Variants in VSIG10 observed in about 807,000 individuals in gnomAD.
VSIG10 encodes the protein V-set and immunoglobulin domain-containing protein 10.
A neutral mutation model predicts 58.7 loss-of-function variants in VSIG10; 48 were observed. The observed-to-expected ratio is 0.82, with a 90% CI of 0.65 to 1.04. VSIG10 has a LOEUF of 1.04. Among genes scored for constraint, VSIG10 ranks in the 50% least tolerant of loss-of-function variants. The probability of loss-of-function intolerance (pLI) is 0.00; values close to 1 mark genes in which losing one functional copy is unlikely to be tolerated. For synonymous variants in VSIG10, 260 were observed against 267.1 expected (o/e 0.97, Z 0.26); for missense variants, 628 against 670.0 (o/e 0.94, Z 0.69).
intron 2 of VSIG10, among the ~76,000 whole-genome samples, chr12:118,092,148 T>C (rs533869201): frequency 1.2e-4 from 19 of 152,118 alleles, no homozygotes; most frequent in Non-Finnish European, 2.8e-4. Flanking sequence ...AACCTCCGTC[T>C]CCCAGCTCAA....
chr12:118,087,837 C>CAAAAAAAAA lies in VSIG10; in HGVS notation c.362-5417_362-5409dup, dbSNP rs10654315. Among the ~76,000 whole-genome samples the CAAAAAAAAA allele has an allele frequency of 2.6e-3, 160 of 62,372 alleles. 1 individual carries two copies. The highest frequency in any genetic ancestry group is 5.5e-3 in the South Asian group (8 of 1,450). The allele number at this position is 62,372 out of a possible 152,430, so 40.9% of individuals were successfully genotyped here. A position where few individuals can be genotyped will look rare whatever the true frequency, so the allele number is the denominator to read the frequency against. ...TGGGTGACAGAGTGAGATCCTGTCTCAAAAAAAAAAAAAAAAAAAGAGAGA... is the reference window on the plus strand; with the variant it reads ...TGGGTGACAGAGTGAGATCCTGTCTCAAAAAAAAAAAAAAAAAAAAAAAAAAAAGAGAGA... On this transcript the variant is annotated intron_variant, in intron 2 of 8. Transcript: ENST00000359236.
chr12:118,098,542 G>A (rs932622878), intron 1 of VSIG10, among the ~76,000 whole-genome samples: 8 of 152,184 alleles, frequency 5.3e-5, no homozygotes, highest in Admixed American at 1.3e-4. Context: ...AAACCTCCAA[G>A]AGTTCACAGT....
intron 1 of VSIG10, among the ~76,000 whole-genome samples, chr12:118,096,270 G>A (rs551099104): frequency 6.6e-6 from 1 of 151,466 alleles, no homozygotes; most frequent in East Asian, 2.0e-4. Context: ...GTGACACCCC[G>A]TCTGTAATAA....
rs780100508 is a variant in VSIG10 at position 118,095,676 on chromosome 12, A to C, written c.218T>G (p.Leu73Arg). The change falls in exon 2 of 9, where the codon CTC (leucine) becomes CGC (arginine). Residue 73 changes from leucine (L) to arginine (R), a missense_variant. By Grantham distance (102) the Leu-to-Arg change is moderately radical (BLOSUM62 -2). Coordinates refer to ENST00000359236, the MANE Select transcript of VSIG10 (RefSeq NM_019086.6). ...PVFLLSSNSS[L>R]RPAEPRFSLV... ...AGAGAAGCGAGGCTCAGCTGGCCGG[A>C]GGCTAGAGTTGGACGAGAGAAGGAA... 2 of 1,613,774 alleles carry C rather than the reference A, an allele frequency of 1.2e-6. No individual in the cohort carries two copies. The highest frequency in any genetic ancestry group is 2.7e-5 in the African/African-American group (2 of 74,904).
At chr12:118,077,024 T>A (rs1297405752) in intron 4 of VSIG10, among the ~76,000 whole-genome samples, 2 of 152,194 alleles carry the variant, frequency 1.3e-5, no homozygotes, top group Admixed American at 6.5e-5. Flanking sequence ...CACTATGACC[T>A]TATCTTAACT....
intron 2 of VSIG10, among the ~76,000 whole-genome samples, chr12:118,092,958 A>T (rs913068528): frequency 5.9e-5 from 9 of 151,660 alleles, no homozygotes; most frequent in African/African-American, 2.2e-4. Context: ...TCATGTCACA[A>T]ATATCCTTTT....
intron 5 of VSIG10, among the ~76,000 whole-genome samples, 152 bp downstream of exon 5, chr12:118,073,547 C>T (rs1335541265): frequency 6.6e-6 from 1 of 152,132 alleles, no homozygotes; most frequent in African/African-American, 2.4e-5. Flanking sequence ...TAATTTCTTC[C>T]AGCCACCTTG....
chr12:118,087,857 G>GAGAA (rs1242553640), intron 2 of VSIG10, among the ~76,000 whole-genome samples: 1 of 52,838 alleles, frequency 1.9e-5, no homozygotes, highest in Non-Finnish European at 4.8e-5. Flanking sequence ...AAAAAAAAAA[G>GAGAA]AGAGAGAAGG....
At chr12:118,096,924 A>T (rs2033477622) in intron 1 of VSIG10, among the ~76,000 whole-genome samples, 1 of 152,058 alleles carries the variant, frequency 6.6e-6, no homozygotes, top group African/African-American at 2.4e-5. Context: ...CTGTAATCCC[A>T]GCTACTCGGG....
At chr12:118,103,570 C>T (rs1266805175) in intron 1 of VSIG10, 23 bp downstream of exon 1, 2 of 1,510,304 alleles carry the variant, frequency 1.3e-6, no homozygotes, top group South Asian at 1.2e-5. Flanking sequence ...CTCAACTTTT[C>T]CCTCCAGATC....
intron 5 of VSIG10, among the ~76,000 whole-genome samples, chr12:118,071,944 C>A (rs796390959): frequency 1.3e-5 from 2 of 151,956 alleles, no homozygotes; most frequent in African/African-American, 4.8e-5. Context: ...CTGAGGAGGG[C>A]GGATCACCTG....
chr12:118,073,676 T>C, intron 5 of VSIG10, 23 bp downstream of exon 5: 1 of 1,579,394 alleles, frequency 6.3e-7, no homozygotes, highest in South Asian at 1.2e-5. Context: ...CCTCCCTCCT[T>C]CAGGCCCAGT....
At position 118,073,972 on chromosome 12, in the gene VSIG10, C is replaced by T; in HGVS notation, c.946G>A (p.Glu316Lys). 1.9e-6 allele frequency: 3 copies of T among 1,576,610 alleles called. No individual in the cohort carries two copies. The highest frequency in any genetic ancestry group is 2.6e-6 in the Non-Finnish European group (3 of 1,159,260). ...VQIRGPSLLS[E>K]PMKTCFTGGN... ...CCAGTGAAGCAAGTCTTCATGGGCTCAGAGAGAAGGGAGGGACCCCCTGGT... is the reference window on the plus strand; with the variant it reads ...CCAGTGAAGCAAGTCTTCATGGGCTTAGAGAGAAGGGAGGGACCCCCTGGT... Residue 316 changes from glutamate to lysine, a missense_variant, in exon 5 of 9, where the codon GAG (glutamate) becomes AAG (lysine). By Grantham distance (56) the Glu-to-Lys change is moderately conservative. Transcript: ENST00000359236.
In VSIG10 at chr12:118,071,429, G is replaced by T. The variant is rs772261088; in HGVS notation, c.1260C>A (p.Ser420Arg). The T allele has an allele frequency of 1.2e-6, 2 of 1,613,878 alleles. No homozygotes were observed. The highest frequency in any genetic ancestry group is 2.2e-5 in the South Asian group (2 of 91,080). ...NIGGIVGTIV[S>R]LLLLGLAIIS... ...TAATGGCCAGTCCCAGCAGAAGGAG[G>T]CTCACAATGGTTCCCACAATCCCCC... Residue 420 changes from serine (S) to arginine (R), a missense_variant, in exon 6 of 9, where the codon AGC becomes AGA. Transcript: ENST00000359236.
chr12:118,086,817 G>C (rs143483119), intron 2 of VSIG10, among the ~76,000 whole-genome samples: 259 of 152,320 alleles, frequency 1.7e-3, no homozygotes, highest in African/African-American at 5.7e-3. Context: ...CTGGAGTGCA[G>C]TGGTGAAAAC....
At position 118,073,680 on chromosome 12, in the gene VSIG10, G is replaced by C; in HGVS notation, c.1219+19C>G. 1 of 1,583,830 alleles carries C rather than the reference G, an allele frequency of 6.3e-7. No individual in the cohort carries two copies. The highest frequency in any genetic ancestry group is 8.6e-7 in the Non-Finnish European group (1 of 1,162,496). On this transcript the variant is annotated intron_variant, in intron 5 of 8. Coordinates refer to ENST00000359236, the MANE Select transcript of VSIG10 (RefSeq NM_019086.6). ...AAGCTCTGAACCCTCCCTCCTTCAG[G>C]CCCAGTTCCACCACTCACCTTTCAC...
chr12:118,080,876 G>C (rs1197905051), intron 3 of VSIG10, among the ~76,000 whole-genome samples: 1 of 152,140 alleles, frequency 6.6e-6, no homozygotes. Flanking sequence ...GGGGAAAAGA[G>C]GGAATGAGGG....
At chr12:118,070,968 T>C (rs1462765898) in intron 7 of VSIG10, 84 bp downstream of exon 7, 1 of 1,509,588 alleles carries the variant, frequency 6.6e-7, no homozygotes, top group Non-Finnish European at 9.1e-7. Context: ...TTGCTATTAT[T>C]GTTCTTGTGA....
At chr12:118,068,708 A>G (rs1239291569) in intron 7 of VSIG10, 111 bp from the exon 8 acceptor site, 3 of 1,318,796 alleles carry the variant, frequency 2.3e-6, no homozygotes, top group Non-Finnish European at 3.0e-6. Flanking sequence ...TAATATGGAA[A>G]ATTACAGCTT....
Sources: allele counts gnomAD v4.1 joint callset (sites outside exome capture counted in the v4.1 genomes callset), GRCh38; gene constraint gnomAD v4.1.1; transcripts MANE v1.5; gene names NCBI Gene and HGNC (gene_info 2026-07-23, HGNC 2026-07-21).